The following CNTN3 variants were observed in gnomAD, a reference collection of about 807,000 sequenced individuals.
CNTN3 encodes the protein contactin-3.
In CNTN3, 60 loss-of-function variants were observed where a neutral mutation model predicts 119.1. The observed-to-expected ratio is 0.50, with a 90% CI of 0.41 to 0.62. CNTN3 has a LOEUF of 0.62. Ranked by LOEUF, CNTN3 falls within the 20% of genes least tolerant of loss-of-function variation. The probability of loss-of-function intolerance (pLI) is 0.00; values close to 1 mark genes in which losing one functional copy is unlikely to be tolerated. For synonymous variants in CNTN3, 450 were observed against 438.7 expected (o/e 1.03, Z -0.32); for missense variants, 1,101 against 1,242.4 (o/e 0.89, Z 1.71).
Position 74,334,922 on chromosome 3 carries a change from A to G in CNTN3, c.1493-12T>C. 1 of 1,597,562 alleles carries G rather than the reference A, an allele frequency of 6.3e-7. No homozygotes were observed. On this transcript the variant is annotated splice_polypyrimidine_tract_variant and intron_variant, in intron 12 of 22. Coordinates refer to ENST00000263665, the MANE Select transcript of CNTN3 (RefSeq NM_020872.3). Reference sequence around the variant, plus strand: ...TATTCTTGTTGGTTCTATTGGGGAAATAATTTTTCAGAAAAACAGCATTTT... The same window carrying G: ...TATTCTTGTTGGTTCTATTGGGGAAGTAATTTTTCAGAAAAACAGCATTTT...
At chr3:74,285,815 AT>A (rs1702103582) in intron 19 of CNTN3, among the ~76,000 whole-genome samples, 1 of 118,328 alleles carries the variant, frequency 8.5e-6, no homozygotes, top group African/African-American at 4.0e-5. Context: ...ATATATATAT[AT>A]ATATATATAT....
chr3:74,316,612 A>G (rs1702835767), intron 13 of CNTN3, among the ~76,000 whole-genome samples: 1 of 152,186 alleles, frequency 6.6e-6, no homozygotes, highest in South Asian at 2.1e-4. Context: ...GAGACTGGGT[A>G]AAGAAAATGT....
At chr3:74,413,338 T>C (rs1040094860) in intron 5 of CNTN3, among the ~76,000 whole-genome samples, 2 of 152,180 alleles carry the variant, frequency 1.3e-5, no homozygotes, top group East Asian at 1.9e-4. Flanking sequence ...ACATAACCTA[T>C]TGAAAGCTGA....
At chr3:74,401,913 T>G (rs1299938841) in intron 5 of CNTN3, among the ~76,000 whole-genome samples, 2 of 152,190 alleles carry the variant, frequency 1.3e-5, no homozygotes, top group African/African-American at 4.8e-5. Context: ...GTTAAAGCAA[T>G]AGGCTTTGGC....
At position 74,599,915 on chromosome 3, in the gene CNTN3, G is replaced by A. The variant is rs575150946; in HGVS notation, c.-81+14476C>T. 1.1e-3 allele frequency among the ~76,000 whole-genome samples: 170 copies of A among 152,156 alleles called. 1 individual carries two copies. Among genetic ancestry groups the A allele is most frequent in the African/African-American group, 3.9e-3 (163 of 41,546 alleles). On this transcript the variant is annotated intron_variant, in intron 1 of 22. Transcript: ENST00000263665. ...TGATGGGACTACAGAGACATGAAGA[G>A]AGAACATTATGTTGAACCTTAAAAA...
At chr3:74,283,897 C>G (rs1274127669) in intron 20 of CNTN3, among the ~76,000 whole-genome samples, 1 of 152,026 alleles carries the variant, frequency 6.6e-6, no homozygotes, top group East Asian at 1.9e-4. Flanking sequence ...ATTAGACTTC[C>G]TATAATAATT....
At chr3:74,335,039 T>G (rs1186924089) in intron 12 of CNTN3, 129 bp from the exon 13 acceptor site, 12 of 533,366 alleles carry the variant, frequency 2.2e-5, no homozygotes, top group Admixed American at 3.7e-5. Flanking sequence ...TACATACATC[T>G]ATATAATTAA....
intron 2 of CNTN3, among the ~76,000 whole-genome samples, chr3:74,520,754 T>G (rs929156329): frequency 6.9e-6 from 1 of 145,100 alleles, no homozygotes; most frequent in African/African-American, 2.8e-5. Flanking sequence ...GGAAAAAAAA[T>G]GTCACAAATT....
At chr3:74,308,574 G>A (rs1702611643) in intron 13 of CNTN3, among the ~76,000 whole-genome samples, 1 of 151,874 alleles carries the variant, frequency 6.6e-6, no homozygotes, top group East Asian at 1.9e-4. Context: ...AAAGGTATCT[G>A]CTTTTTAATT....
intron 1 of CNTN3, among the ~76,000 whole-genome samples, chr3:74,593,542 T>C (rs1167104443): frequency 2.0e-5 from 3 of 151,982 alleles, no homozygotes; most frequent in Admixed American, 1.3e-4. Flanking sequence ...ATGTGAAAAA[T>C]ACACTACTTC....
At chr3:74,403,887 C>CT (rs150082266) in intron 5 of CNTN3, among the ~76,000 whole-genome samples, 6,501 of 151,574 alleles carry the variant, frequency 0.043, 482 homozygotes, top group African/African-American at 0.15. Flanking sequence ...CTTCTCTTTC[C>CT]TTTTTTTTAT....
Position 74,301,747 on chromosome 3 carries a change from T to C in CNTN3, c.1845A>G (p.Gln615=). The change falls in exon 15 of 23, where the codon CAA becomes CAG. Residue 615 remains glutamine, a synonymous_variant. Coordinates refer to ENST00000263665, the MANE Select transcript of CNTN3 (RefSeq NM_020872.3). ...TGTCTTTACCTTCTTTCCAAGAGAG[T>C]TGGGCTGTTGTGTCTGTAATTTCAT... The part of the protein sequence containing the change: ...KVDEITDTTA[Q]LSWKEGKDNH... The C allele has an allele frequency of 1.9e-6, 3 of 1,614,008 alleles. No homozygotes were observed. Among genetic ancestry groups the C allele is most frequent in the Non-Finnish European group, 2.5e-6 (3 of 1,179,946 alleles).
At chr3:74,318,951 C>G (rs1702908985) in intron 13 of CNTN3, among the ~76,000 whole-genome samples, 1 of 152,138 alleles carries the variant, frequency 6.6e-6, no homozygotes, top group Non-Finnish European at 1.5e-5. Flanking sequence ...AGGAATCCAA[C>G]TTACAAGGGA....
chr3:74,334,202 C>T (rs1213744687), intron 13 of CNTN3, among the ~76,000 whole-genome samples: 1 of 152,172 alleles, frequency 6.6e-6, no homozygotes, highest in Non-Finnish European at 1.5e-5. Context: ...ACTTGAAGTT[C>T]CACCACTAAC....
At chr3:74,361,185 G>A (rs1239247069) in intron 11 of CNTN3, among the ~76,000 whole-genome samples, 1 of 151,918 alleles carries the variant, frequency 6.6e-6, no homozygotes, top group African/African-American at 2.4e-5. Flanking sequence ...CAATACTTAC[G>A]CTTACTTTCT....
intron 20 of CNTN3, among the ~76,000 whole-genome samples, chr3:74,271,795 G>T (rs1217035860): frequency 6.6e-6 from 1 of 152,056 alleles, no homozygotes; most frequent in African/African-American, 2.4e-5. Context: ...AAAAACAAAA[G>T]CCAATTATGC....
intron 1 of CNTN3, among the ~76,000 whole-genome samples, chr3:74,595,814 A>C (rs1290921720): frequency 1.3e-5 from 2 of 152,126 alleles, no homozygotes; most frequent in African/African-American, 2.4e-5. Context: ...ACTCCTATTC[A>C]ACGTAGTGTT....
chr3:74,444,565 T>G (rs900681053), intron 4 of CNTN3, among the ~76,000 whole-genome samples: 2 of 152,174 alleles, frequency 1.3e-5, no homozygotes, highest in Non-Finnish European at 1.5e-5. Context: ...ATAATTTTTT[T>G]TTAATGTCCA....
chr3:74,362,147 T>G, intron 10 of CNTN3, 107 bp from the exon 11 acceptor site: 1 of 1,185,688 alleles, frequency 8.4e-7, no homozygotes, highest in South Asian at 1.5e-5. Context: ...ACATTCAGGG[T>G]GTCAGTGCTT....
Sources: gnomAD v4.1 joint callset for allele counts (sites outside exome capture counted in the v4.1 genomes callset) on GRCh38, gnomAD v4.1.1 for gene constraint, MANE v1.5 for transcripts, NCBI Gene and HGNC (gene_info 2026-07-23, HGNC 2026-07-21) for gene names.